The following VTCN1 variants were observed in gnomAD, a reference collection of about 807,000 sequenced individuals.
The protein encoded by VTCN1 is V-set domain containing T cell activation inhibitor 1, also known as V-set domain-containing T-cell activation inhibitor 1.
In VTCN1, 26 loss-of-function variants were observed where a neutral mutation model predicts 26.5. The observed-to-expected ratio is 0.98, with a 90% confidence interval of 0.72 to 1.36. The LOEUF (loss-of-function observed/expected upper bound fraction) is 1.36, where lower values mean the gene tolerates loss of function less well. VTCN1 is among the 40% of genes most tolerant of loss of function. The pLI, the probability that VTCN1 is intolerant of heterozygous loss-of-function variation, is 0.00. For missense variants in VTCN1, 298 were observed against 337.7 expected, an observed-to-expected ratio of 0.88 and a Z score of 0.92; for synonymous variants, 116 against 130.7, an observed-to-expected ratio of 0.89 and a Z score of 0.77.
intron 3 of VTCN1, 69 bp from the exon 4 acceptor site, chr1:117,153,438 C>T (rs917221921): frequency 4.2e-5 from 62 of 1,480,060 alleles, no homozygotes; most frequent in African/African-American, 1.6e-4. Flanking sequence ...GCCTTTGAAG[C>T]GCTAGGCCTT....
At position 117,156,871 on chromosome 1, in the gene VTCN1, C is replaced by T. The variant is rs751266359; in HGVS notation, c.148G>A (p.Glu50Lys). The T allele has an allele frequency of 6.8e-6, 11 of 1,613,922 alleles. No homozygotes were observed. The Middle Eastern group carries it at 8.2e-4, about 121-fold the overall frequency. ...TTVASAGNIG[E>K]DGILSCTFEP... Reference sequence around the variant, plus strand: ...AAAGTGCAGCTCAGGATTCCATCCTCCCCAATGTTCCCAGCTGAGGCGACA... The same window carrying T: ...AAAGTGCAGCTCAGGATTCCATCCTTCCCAATGTTCCCAGCTGAGGCGACA... Residue 50 changes from glutamate to lysine, a missense_variant, in exon 3 of 6, where the codon GAG (glutamate) becomes AAG (lysine). Glu to Lys is a moderately conservative substitution (Grantham distance 56). Transcript: ENST00000369458.
chr1:117,195,014 C>T (rs956867537), intron 1 of VTCN1, among the ~76,000 whole-genome samples: 2 of 151,850 alleles, frequency 1.3e-5, no homozygotes, highest in African/African-American at 4.8e-5. Flanking sequence ...GCCTATAATC[C>T]CAGCACTTTG....
intron 1 of VTCN1, among the ~76,000 whole-genome samples, chr1:117,197,452 A>G (rs1193900170): frequency 1.3e-5 from 2 of 152,166 alleles, no homozygotes; most frequent in African/African-American, 4.8e-5. Flanking sequence ...ACTTCCTAGA[A>G]CTAAGTCAAA....
At chr1:117,168,746 A>G (rs1436124403) in intron 2 of VTCN1, among the ~76,000 whole-genome samples, 2 of 152,150 alleles carry the variant, frequency 1.3e-5, no homozygotes, top group East Asian at 1.9e-4. Context: ...AAGATAAAAT[A>G]CACATGTTAT....
intron 1 of VTCN1, among the ~76,000 whole-genome samples, chr1:117,199,670 C>T (rs1189740732): frequency 7.1e-6 from 1 of 140,904 alleles, no homozygotes; most frequent in Non-Finnish European, 1.5e-5. Context: ...GAGTCTTGCT[C>T]TGTTGCTCAG....
chr1:117,162,982 G>C (rs1238620277), intron 2 of VTCN1, among the ~76,000 whole-genome samples: 1 of 152,232 alleles, frequency 6.6e-6, no homozygotes, highest in Non-Finnish European at 1.5e-5. Context: ...GAGCATGCTA[G>C]ATGTCTTCAG....
intron 2 of VTCN1, among the ~76,000 whole-genome samples, chr1:117,162,493 G>T (rs1302034345): frequency 6.6e-6 from 1 of 151,964 alleles, no homozygotes; most frequent in African/African-American, 2.4e-5. Context: ...AGAGATTCTT[G>T]TGTGACTTGT....
intron 1 of VTCN1, among the ~76,000 whole-genome samples, chr1:117,205,831 A>G (rs1030173612): frequency 6.6e-6 from 1 of 152,180 alleles, no homozygotes; most frequent in Non-Finnish European, 1.5e-5. Context: ...GATGATTAGG[A>G]CTATGAGACA....
At chr1:117,197,751 T>A (rs1193932553) in intron 1 of VTCN1, among the ~76,000 whole-genome samples, 9 of 152,140 alleles carry the variant, frequency 5.9e-5, no homozygotes, top group African/African-American at 2.2e-4. Context: ...TTCAATTCTT[T>A]GTTCAAGACT....
chr1:117,170,628 CT>C (rs1652860425), intron 1 of VTCN1, among the ~76,000 whole-genome samples: 1 of 152,178 alleles, frequency 6.6e-6, no homozygotes, highest in Non-Finnish European at 1.5e-5. Context: ...ATGGTCACAT[CT>C]TCTTCACTTT....
chr1:117,193,553 A>G (rs979033902), intron 1 of VTCN1, among the ~76,000 whole-genome samples: 3 of 136,722 alleles, frequency 2.2e-5, no homozygotes, highest in Non-Finnish European at 4.7e-5. Context: ...GGGTATAACA[A>G]TTGTAAATAT....
intron 1 of VTCN1, among the ~76,000 whole-genome samples, chr1:117,176,614 T>G (rs567973283): frequency 1.4e-3 from 212 of 152,366 alleles, no homozygotes; most frequent in Middle Eastern, 0.014. Flanking sequence ...GCTCCACTCG[T>G]GTGATTGATA....
At position 117,147,770 on chromosome 1, in the gene VTCN1, T is replaced by C; in HGVS notation, c.737A>G (p.Lys246Arg). ...GDIKVTESEI[K>R]RRSHLQLLNS... ...TAGCAGCTGTAGGTGACTCCGCCTT[T>C]TGATCTCCGATTCTGTGAAGTGAGA... Residue 246 changes from lysine (K) to arginine (R), a missense_variant, in exon 5 of 6, where the codon AAA (lysine) becomes AGA (arginine). By Grantham distance (26) the Lys-to-Arg change is conservative (BLOSUM62 2). Transcript: ENST00000369458. The surrounding 1 kb of genome is among the most constrained non-coding windows in gnomAD (Gnocchi z 4.6). The C allele has an allele frequency of 6.2e-7, 1 of 1,613,618 alleles. No homozygotes were observed. Among genetic ancestry groups the C allele is most frequent in the Non-Finnish European group, 8.5e-7 (1 of 1,179,820 alleles).
At position 117,155,777 on chromosome 1, in the gene VTCN1, T is replaced by C. The variant is rs1652039186; in HGVS notation, c.445+797A>G. Among the ~76,000 whole-genome samples the C allele has an allele frequency of 6.6e-6, 1 of 152,206 alleles. No individual in the cohort carries two copies. Among genetic ancestry groups the C allele is most frequent in the South Asian group, 2.1e-4 (1 of 4,826 alleles). ...GGAAAGGCCCGGTTTCTGCCTATCC[T>C]TCAAGGCTCCCCTCAAATGCCAGCT... On this transcript the variant is annotated intron_variant, in intron 3 of 5. Coordinates refer to ENST00000369458, the MANE Select transcript of VTCN1 (RefSeq NM_024626.4). This position sits in a 1 kb window ranked among gnomAD's most constrained non-coding sequence, Gnocchi z 4.8.
rs1486774997 is a variant in VTCN1, at chr1:117,169,640, C to G, written c.97+467G>C. Among the ~76,000 whole-genome samples the G allele has an allele frequency of 6.6e-6, 1 of 152,168 alleles. No individual in the cohort carries two copies. Among genetic ancestry groups the G allele is most frequent in the East Asian group, 1.9e-4 (1 of 5,194 alleles). ...GGGCACGGTGGCTCAGGCCGGCAAT[C>G]CCAGCACTTTGGGAGGCCGAGGCAG... On this transcript the variant is annotated intron_variant, in intron 2 of 5. Coordinates refer to ENST00000369458, the MANE Select transcript of VTCN1 (RefSeq NM_024626.4). The surrounding 1 kb of genome is among the most constrained non-coding windows in gnomAD (Gnocchi z 4.0).
chr1:117,146,850 G>T lies in VTCN1; in HGVS notation c.*45+763C>A, dbSNP rs1651537444. Among the ~76,000 whole-genome samples, 1 of 152,160 alleles carries T rather than the reference G, an allele frequency of 6.6e-6. No homozygotes were observed. The highest frequency in any genetic ancestry group is 1.5e-5 in the Non-Finnish European group (1 of 68,028). ...CGTGTTTCCTATCAGCTAAAACAGG[G>T]AAAGGAAGGAGCAGGTACAGTGTTT... is the stretch of plus-strand genomic sequence containing the variant. On this transcript the variant is annotated intron_variant, in intron 5 of 5. Coordinates refer to ENST00000369458, the MANE Select transcript of VTCN1 (RefSeq NM_024626.4). This position sits in a 1 kb window ranked among gnomAD's most constrained non-coding sequence, Gnocchi z 4.2.
chr1:117,147,695 G>A lies in VTCN1; in HGVS notation c.812C>T (p.Ala271Val), dbSNP rs1651585036. The A allele has an allele frequency of 3.1e-6, 5 of 1,614,006 alleles. No homozygotes were observed. The East Asian group carries it at 6.7e-5, about 22-fold the overall frequency. ...CVSSFFAISW[A>V]LLPLSPYLML... ...CAGGTAAGGGCTGAGAGGCAGAAGT[G>A]CCCAGCTGATGGCAAAGAAAGAAGA... Residue 271 changes from alanine (A) to valine (V), a missense_variant, in exon 5 of 6, where the codon GCA becomes GTA. By Grantham distance (64) the Ala-to-Val change is moderately conservative. Transcript: ENST00000369458. The surrounding 1 kb of genome is among the most constrained non-coding windows in gnomAD (Gnocchi z 4.6).
At chr1:117,171,084 A>T (rs1652893601) in intron 1 of VTCN1, among the ~76,000 whole-genome samples, 1 of 141,224 alleles carries the variant, frequency 7.1e-6, no homozygotes, top group African/African-American at 2.7e-5. Flanking sequence ...ACTCCCACTT[A>T]TGAGTGAGAA....
At chr1:117,181,059 G>C (rs894006720) in intron 1 of VTCN1, among the ~76,000 whole-genome samples, 4 of 152,216 alleles carry the variant, frequency 2.6e-5, no homozygotes, top group African/African-American at 7.2e-5. Context: ...GCTATCGTGA[G>C]GGTCCAAAGA....
Sources: allele counts gnomAD v4.1 joint callset (sites outside exome capture counted in the v4.1 genomes callset), GRCh38; gene constraint gnomAD v4.1.1; non-coding constraint Gnocchi (gnomAD v3.1); transcripts MANE v1.5; gene names NCBI Gene and HGNC (gene_info 2026-07-23, HGNC 2026-07-21).